Variants in PLAC9 observed in about 807,000 individuals in gnomAD.
The protein encoded by PLAC9 is placenta-specific protein 9.
PLAC9 carries 12 observed loss-of-function variants against 11.5 expected under a neutral mutation model. That is an observed-to-expected ratio of 1.05 (90% CI 0.67 to 1.69). The LOEUF is 1.69. Among genes scored for constraint, PLAC9 ranks in the 40% most tolerant of loss-of-function variants. The pLI is 0.00. For missense variants in PLAC9, 132 were observed against 130.5 expected (o/e 1.01, Z -0.06); for synonymous variants, 62 against 58.1 (o/e 1.07, Z -0.31).
intron 1 of PLAC9, among the ~76,000 whole-genome samples, chr10:80,140,918 C>T (rs1455089933): frequency 6.6e-6 from 1 of 152,164 alleles, no homozygotes; most frequent in African/African-American, 2.4e-5. Flanking sequence ...TTTATTGGCC[C>T]TCTTCTTGGC....
intron 2 of PLAC9, 138 bp downstream of exon 2, chr10:80,142,317 A>C (rs1589405490): frequency 1.6e-6 from 1 of 642,630 alleles, no homozygotes; most frequent in Non-Finnish European, 2.6e-6. Flanking sequence ...GTCCAACATC[A>C]CCCTCCCATC....
chr10:80,141,950 C>G, intron 1 of PLAC9, 132 bp from the exon 2 acceptor site: 1 of 531,230 alleles, frequency 1.9e-6, no homozygotes. Context: ...CACTGACCCC[C>G]ACCTGGGCCG....
At chr10:80,144,451 G>T in intron 3 of PLAC9, 108 bp downstream of exon 3, 1 of 1,397,864 alleles carries the variant, frequency 7.2e-7, no homozygotes, top group South Asian at 1.5e-5. Context: ...CTGGCTGGCA[G>T]GGAGGGCCCC....
intron 1 of PLAC9, among the ~76,000 whole-genome samples, chr10:80,140,307 A>G (rs1234887359): frequency 6.6e-6 from 1 of 152,048 alleles, no homozygotes; most frequent in Non-Finnish European, 1.5e-5. Context: ...GAAATTTTCC[A>G]GAATCCAAGT....
In PLAC9 at chr10:80,142,343, C is replaced by T. The variant is rs568815959; in HGVS notation, c.162+164C>T. On this transcript the variant is annotated intron_variant, in intron 2 of 3. Transcript: ENST00000372263. Reference sequence around the variant, plus strand: ...CCCTCCCATCTAGGCTGCCGGGCTGCCCAGCCCCCAGTGGACCCTGCCTCC... The same window carrying T: ...CCCTCCCATCTAGGCTGCCGGGCTGTCCAGCCCCCAGTGGACCCTGCCTCC... Among the ~76,000 whole-genome samples the T allele has an allele frequency of 9.2e-5, 14 of 152,188 alleles. No individual in the cohort carries two copies. In the South Asian group the frequency reaches 2.5e-3, roughly 27 times the overall value.
rs1412706178 is a variant in PLAC9 at position 80,145,294 on chromosome 10, G to A, written c.*384G>A. 5.9e-6 allele frequency: 2 copies of A among 337,678 alleles called. No homozygotes were observed. The highest frequency in any genetic ancestry group is 1.1e-5 in the Non-Finnish European group (2 of 185,790). 20.9% of individuals were successfully genotyped at this position (337,678 alleles called of 1,614,324 possible). ...CACCCAGACTGTTTAATCCAAATCTGCATTGCAATGAGACCCCCAGGGATT... is the reference window on the plus strand; with the variant it reads ...CACCCAGACTGTTTAATCCAAATCTACATTGCAATGAGACCCCCAGGGATT... On this transcript the variant is annotated 3_prime_UTR_variant, in exon 4 of 4. Transcript: ENST00000372263.
intron 1 of PLAC9, among the ~76,000 whole-genome samples, chr10:80,139,374 C>A (rs2132335778): frequency 6.6e-6 from 1 of 152,298 alleles, no homozygotes; most frequent in East Asian, 1.9e-4. Context: ...CTCATCCCAG[C>A]TGGATTCCAG....
At chr10:80,144,517 G>A (rs920516188) in intron 3 of PLAC9, among the ~76,000 whole-genome samples, 174 bp downstream of exon 3, 1 of 59,034 alleles carries the variant, frequency 1.7e-5, no homozygotes, top group East Asian at 3.9e-4. Context: ...CGCCCGCCCC[G>A]CCCCACCTGC....
intron 1 of PLAC9, among the ~76,000 whole-genome samples, chr10:80,137,034 G>A (rs576604474): frequency 3.3e-5 from 5 of 152,336 alleles, no homozygotes; most frequent in African/African-American, 7.2e-5. Flanking sequence ...ACCATGATGC[G>A]TTCAAGTCAG....
rs1441330426 is a variant in PLAC9, at chr10:80,141,945, AC to A, written c.65-132del. ...TGAGATGGCTGACACTCGCACACTG[AC>A]CCCCACCTGGGCCGTCCTCCGCTTG... On this transcript the variant is annotated intron_variant, in intron 1 of 3. Coordinates refer to ENST00000372263, the MANE Select transcript of PLAC9 (RefSeq NM_001012973.3). The A allele has an allele frequency of 6.0e-6, 3 of 502,326 alleles. No homozygotes were observed. In the Admixed American group the frequency reaches 1.1e-4, roughly 18 times the overall value. 31.1% of individuals were successfully genotyped at this position (502,326 alleles called of 1,614,324 possible).
intron 2 of PLAC9, among the ~76,000 whole-genome samples, chr10:80,142,943 G>A (rs1426803463): frequency 6.6e-6 from 1 of 152,016 alleles, no homozygotes; most frequent in Non-Finnish European, 1.5e-5. Flanking sequence ...GGCTGGTCTC[G>A]AACTCCTGAG....
intron 1 of PLAC9, among the ~76,000 whole-genome samples, chr10:80,136,437 C>T (rs572040805): frequency 1.3e-5 from 2 of 152,264 alleles, no homozygotes; most frequent in African/African-American, 4.8e-5. Flanking sequence ...ACTGACAGCC[C>T]TGTGGTGCAT....
chr10:80,142,776 T>C (rs143329945), intron 2 of PLAC9, among the ~76,000 whole-genome samples: 2,466 of 152,186 alleles, frequency 0.016, 38 homozygotes, highest in Admixed American at 0.025. Context: ...TGGAGTGCCG[T>C]GGTGCAGTCT....
intron 3 of PLAC9, 146 bp downstream of exon 3, chr10:80,144,489 G>C (rs1409896846): frequency 1.3e-5 from 16 of 1,222,250 alleles, no homozygotes; most frequent in Non-Finnish European, 1.8e-5. Context: ...GAAGCGGGAC[G>C]GCATCATCCC....
chr10:80,143,967 C>T, intron 2 of PLAC9: 1 of 506,414 alleles, frequency 2.0e-6, no homozygotes. Flanking sequence ...AGGTATTCTA[C>T]AGGCGCTTCA....
At chr10:80,139,315 C>T (rs986195605) in intron 1 of PLAC9, among the ~76,000 whole-genome samples, 1 of 152,160 alleles carries the variant, frequency 6.6e-6, no homozygotes, top group Non-Finnish European at 1.5e-5. Flanking sequence ...GTCTCTTCAG[C>T]CCCCATTTCT....
At position 80,132,747 on chromosome 10, in the gene PLAC9, C is replaced by A. The variant is rs1363379030; in HGVS notation, c.-16C>A. 4.8e-5 allele frequency: 70 copies of A among 1,452,818 alleles called. No homozygotes were observed. Among genetic ancestry groups the A allele is most frequent in the Non-Finnish European group, 6.3e-5 (70 of 1,112,610 alleles). The allele number at this position is 1,452,818 out of a possible 1,614,324, so 90.0% of individuals were successfully genotyped here. ...CTGCGGGCAGACGCGGCGCTGCGCT[C>A]GGCCAGGCCGGCACCATGCGGCCCC... On this transcript the variant is annotated 5_prime_UTR_variant, in exon 1 of 4. Coordinates refer to ENST00000372263, the MANE Select transcript of PLAC9 (RefSeq NM_001012973.3).
intron 1 of PLAC9, among the ~76,000 whole-genome samples, chr10:80,136,070 G>C (rs7076803): frequency 0.15 from 23,183 of 152,046 alleles, 3,340 homozygotes; most frequent in African/African-American, 0.39. Context: ...CATAAGGCCT[G>C]TAAGTAGAAG....
At position 80,144,911 on chromosome 10, in the gene PLAC9, GC is replaced by G; in HGVS notation, c.*4del. 2 of 1,575,966 alleles carry G rather than the reference GC, an allele frequency of 1.3e-6. No individual in the cohort carries two copies. The highest frequency in any genetic ancestry group is 1.7e-6 in the Non-Finnish European group (2 of 1,160,188). ...CTGCTTTCTTTCAGATGGCTTCTGAGCCCTGGAGCTGGAGCCCAGCAGTTGG... is the reference window on the plus strand; with the variant it reads ...CTGCTTTCTTTCAGATGGCTTCTGAGCCTGGAGCTGGAGCCCAGCAGTTGG... On this transcript the variant is annotated 3_prime_UTR_variant, in exon 4 of 4. Coordinates refer to ENST00000372263, the MANE Select transcript of PLAC9 (RefSeq NM_001012973.3).
Sources: allele counts gnomAD v4.1 joint callset (sites outside exome capture counted in the v4.1 genomes callset), GRCh38; gene constraint gnomAD v4.1.1; transcripts MANE v1.5; gene names NCBI Gene and HGNC (gene_info 2026-07-23, HGNC 2026-07-21).